The following MED13 variants were observed in gnomAD, a reference collection of about 807,000 sequenced individuals.
MED13 encodes mediator complex subunit 13.
MED13 carries 23 observed loss-of-function variants against 225.2 expected under a neutral mutation model. That is an observed-to-expected ratio of 0.10 (90% CI 0.07 to 0.14). The LOEUF is 0.14. Among genes scored for constraint, MED13 ranks in the 10% least tolerant of loss-of-function variants. The probability of loss-of-function intolerance (pLI) is 1.00; values close to 1 mark genes in which losing one functional copy is unlikely to be tolerated. For synonymous variants in MED13, 942 were observed against 889.2 expected, an observed-to-expected ratio of 1.06 and a Z score of -1.06; for missense variants, 2,197 against 2,594.5, an observed-to-expected ratio of 0.85 and a Z score of 3.33.
At chr17:62,017,219 TA>T (rs555881211) in intron 8 of MED13, among the ~76,000 whole-genome samples, 11,632 of 84,190 alleles carry the variant, frequency 0.14, 602 homozygotes, top group South Asian at 0.36. Context: ...ACTAAAATGC[TA>T]AAAAAAAAAA....
intron 2 of MED13, among the ~76,000 whole-genome samples, chr17:62,057,376 T>C (rs188146663): frequency 9.8e-4 from 149 of 152,284 alleles, no homozygotes; most frequent in African/African-American, 3.4e-3. Flanking sequence ...TATGTTATGT[T>C]TGGCTTGAAA....
Position 61,961,060 on chromosome 17 carries a change from G to C in MED13, c.5287C>G (p.Pro1763Ala). ...RPECIRLYAP[P>A]FILAPVKDKQ... ...TCCTTCACTGGAGCCAGAATAAAAGGAGGTGCATAAAGTCGAATACACTCT... is the reference window on the plus strand; with the variant it reads ...TCCTTCACTGGAGCCAGAATAAAAGCAGGTGCATAAAGTCGAATACACTCT... The change falls in exon 23 of 30, where the codon CCT becomes GCT. Residue 1763 changes from proline to alanine, a missense_variant. Pro to Ala is a conservative substitution (Grantham distance 27). Coordinates refer to ENST00000397786, the MANE Select transcript of MED13 (RefSeq NM_005121.3). 6.2e-7 allele frequency: 1 copy of C among 1,613,884 alleles called. No homozygotes were observed. Among genetic ancestry groups the C allele is most frequent in the Non-Finnish European group, 8.5e-7 (1 of 1,179,954 alleles).
At chr17:62,009,979 C>A (rs1567975170) in intron 9 of MED13, among the ~76,000 whole-genome samples, 2 of 152,046 alleles carry the variant, frequency 1.3e-5, no homozygotes, top group Admixed American at 6.6e-5. Flanking sequence ...CCCAACACTT[C>A]AGGAGGCCGA....
At chr17:62,020,554 T>C (rs1414806409) in intron 8 of MED13, among the ~76,000 whole-genome samples, 1 of 151,970 alleles carries the variant, frequency 6.6e-6, no homozygotes, top group Non-Finnish European at 1.5e-5. Context: ...TTTTTTTTTG[T>C]ACTTTTAGTA....
chr17:62,049,078 C>CAAAAAAAAAAAAAAAAAAAA (rs890393330), intron 3 of MED13, among the ~76,000 whole-genome samples: 24 of 45,296 alleles, frequency 5.3e-4, no homozygotes, highest in East Asian at 1.7e-3. Context: ...GTAAATAAGA[C>CAAAAAAAAAAAAAAAAAAAA]AAAAAAAAAA....
chr17:62,058,459 C>T (rs564424835), intron 2 of MED13, among the ~76,000 whole-genome samples: 8 of 145,648 alleles, frequency 5.5e-5, no homozygotes, highest in African/African-American at 1.3e-4. Context: ...AGGCGGAGGT[C>T]GCAGTGAGCC....
chr17:62,038,009 A>C (rs1490996982), intron 3 of MED13, among the ~76,000 whole-genome samples: 1 of 144,684 alleles, frequency 6.9e-6, no homozygotes, highest in Non-Finnish European at 1.5e-5. Flanking sequence ...GGAGACCTGA[A>C]TTTTATAACC....
At chr17:61,973,650 G>T (rs1250361184) in intron 16 of MED13, among the ~76,000 whole-genome samples, 4 of 152,104 alleles carry the variant, frequency 2.6e-5, no homozygotes, top group African/African-American at 9.7e-5. Context: ...TATTACCTTT[G>T]CCTAGTTTAT....
chr17:62,056,229 A>T (rs2080995388), intron 2 of MED13, among the ~76,000 whole-genome samples: 1 of 151,846 alleles, frequency 6.6e-6, no homozygotes, highest in Admixed American at 6.6e-5. Flanking sequence ...CAATCTAATA[A>T]CTGTAATAAA....
In MED13 at chr17:61,972,902, A is replaced by T. The variant is rs528334018; in HGVS notation, c.3806-14T>A. ...GCATACTCACATCTACAAGCATTTT[A>T]AAAAAAACAAGTAATTAAGAATTGC... On this transcript the variant is annotated splice_polypyrimidine_tract_variant and intron_variant, in intron 16 of 29. Transcript: ENST00000397786. 3.1e-5 allele frequency: 49 copies of T among 1,562,692 alleles called. No individual in the cohort carries two copies. Among genetic ancestry groups the T allele is most frequent in the Middle Eastern group, 1.7e-4 (1 of 5,796 alleles).
intron 16 of MED13, among the ~76,000 whole-genome samples, chr17:61,974,807 C>T (rs2080139655): frequency 6.6e-6 from 1 of 151,910 alleles, no homozygotes; most frequent in Non-Finnish European, 1.5e-5. Flanking sequence ...AATATAAGAG[C>T]TAAAACTACA....
At chr17:61,986,057 T>C (rs773893772) in intron 12 of MED13, among the ~76,000 whole-genome samples, 13 of 152,206 alleles carry the variant, frequency 8.5e-5, no homozygotes, top group Non-Finnish European at 1.3e-4. Flanking sequence ...AATATTAATA[T>C]GTAGACCACG....
chr17:61,961,553 T>C, intron 22 of MED13, 35 bp downstream of exon 22: 2 of 1,384,602 alleles, frequency 1.4e-6, no homozygotes, highest in Non-Finnish European at 2.0e-6. Flanking sequence ...GTATGTATAG[T>C]CATTGAACTT....
intron 4 of MED13, among the ~76,000 whole-genome samples, chr17:62,034,319 T>C (rs2080783323): frequency 1.3e-5 from 2 of 151,730 alleles, no homozygotes; most frequent in Admixed American, 6.6e-5. Context: ...ACCCTGTCTC[T>C]AATAAAATAC....
intron 3 of MED13, among the ~76,000 whole-genome samples, chr17:62,037,251 A>T (rs535778791): frequency 4.5e-4 from 69 of 151,950 alleles, no homozygotes; most frequent in African/African-American, 1.6e-3. Context: ...AGACTGTCTC[A>T]AAAAACATAT....
intron 8 of MED13, among the ~76,000 whole-genome samples, chr17:62,017,219 T>TAAAAA (rs555881211): frequency 1.9e-4 from 16 of 84,242 alleles, no homozygotes; most frequent in African/African-American, 6.7e-4. Flanking sequence ...ACTAAAATGC[T>TAAAAA]AAAAAAAAAA....
chr17:61,989,992 A>G (rs1430006162), intron 11 of MED13, among the ~76,000 whole-genome samples: 3 of 152,182 alleles, frequency 2.0e-5, no homozygotes, highest in East Asian at 1.9e-4. Context: ...AGCTACCTAG[A>G]CCATTTGTTC....
rs746555652 is a variant in MED13 at position 62,063,257 on chromosome 17, G to C, written c.111C>G (p.Gly37=). The C allele has an allele frequency of 1.9e-6, 3 of 1,614,072 alleles. No individual in the cohort carries two copies. The Admixed American group carries it at 5.0e-5, about 27-fold the overall frequency. ...GAAACAGAATAGGGGCAGAAGTTGG[G>C]CCTTGCCATACATATTTTTTCCACT... ...GIKWKKYVWQ[G]PTSAPILFPV... Residue 37 remains glycine (G), a synonymous_variant, in exon 2 of 30, where the codon GGC becomes GGG. Transcript: ENST00000397786.
intron 17 of MED13, among the ~76,000 whole-genome samples, chr17:61,969,589 T>C (rs1264401578): frequency 6.6e-6 from 1 of 151,920 alleles, no homozygotes; most frequent in African/African-American, 2.4e-5. Flanking sequence ...ATGTTAAGTG[T>C]TCTTTCTTTT....
Sources: gnomAD v4.1 joint callset for allele counts (sites outside exome capture counted in the v4.1 genomes callset) on GRCh38, gnomAD v4.1.1 for gene constraint, MANE v1.5 for transcripts, NCBI Gene and HGNC (gene_info 2026-07-23, HGNC 2026-07-21) for gene names.